IL1RAPL2: variants seen among roughly 807,000 people sequenced by gnomAD.
The protein encoded by IL1RAPL2 is interleukin 1 receptor accessory protein like 2.
Under a neutral mutation model 44.1 loss-of-function variants are expected in IL1RAPL2, and 3 were observed. That is an observed-to-expected ratio of 0.07 (90% CI 0.03 to 0.18). The LOEUF is 0.18. Among genes scored for constraint, IL1RAPL2 ranks in the 10% least tolerant of loss-of-function variants. IL1RAPL2 has a pLI of 1.00. For missense variants in IL1RAPL2, 391 were observed against 496.4 expected (o/e 0.79, Z 2.02); for synonymous variants, 181 against 178.8 (o/e 1.01, Z -0.10).
intron 6 of IL1RAPL2, among the ~76,000 whole-genome samples, chrX:105,531,003 CA>C (rs1283533059): frequency 9.0e-6 from 1 of 111,677 alleles, no homozygotes; most frequent in Non-Finnish European, 1.9e-5. Context: ...ATACTTCTTC[CA>C]AATCTTAGCT....
At chrX:104,908,869 A>G (rs1278607170) in intron 2 of IL1RAPL2, among the ~76,000 whole-genome samples, 1 of 110,910 alleles carries the variant, frequency 9.0e-6, no homozygotes, top group African/African-American at 3.3e-5. Flanking sequence ...AGATTGGGGA[A>G]GTTCTCCTGA....
chrX:105,707,049 C>A (rs1204318535), intron 6 of IL1RAPL2, among the ~76,000 whole-genome samples: 4 of 111,437 alleles, frequency 3.6e-5, no homozygotes, highest in Non-Finnish European at 5.7e-5. Context: ...ATCCAAATTT[C>A]AAGCAAAAAG....
chrX:105,243,990 T>C (rs1242651069), intron 4 of IL1RAPL2, among the ~76,000 whole-genome samples: 1 of 111,845 alleles, frequency 8.9e-6, no homozygotes, highest in African/African-American at 3.3e-5. Flanking sequence ...GATAAAAATA[T>C]TGAAATATTT....
chrX:105,559,697 T>C (rs1332059331), intron 6 of IL1RAPL2, among the ~76,000 whole-genome samples: 1 of 111,558 alleles, frequency 9.0e-6, no homozygotes, highest in Non-Finnish European at 1.9e-5. Context: ...CATGCCATTT[T>C]GGGGGACTAT....
chrX:105,282,520 C>T (rs996058463), intron 5 of IL1RAPL2, among the ~76,000 whole-genome samples: 3 of 111,681 alleles, frequency 2.7e-5, no homozygotes, highest in Non-Finnish European at 5.6e-5. Context: ...GGGCATGGGT[C>T]TGCAGGGAAA....
intron 2 of IL1RAPL2, among the ~76,000 whole-genome samples, chrX:105,169,525 G>C (rs1208238534): frequency 2.5e-5 from 1 of 39,385 alleles, no homozygotes; most frequent in African/African-American, 4.7e-4. Context: ...TTTTTTTTGA[G>C]ACAGAGTGTG....
chrX:105,730,417 T>C lies in IL1RAPL2; in HGVS notation c.903-10129T>C, dbSNP rs374002007. Among the ~76,000 whole-genome samples, 5 of 111,166 alleles carry C rather than the reference T, an allele frequency of 4.5e-5. No individual in the cohort carries two copies. The East Asian group carries it at 8.5e-4, about 19-fold the overall frequency. On this transcript the variant is annotated intron_variant, in intron 7 of 10. Transcript: ENST00000372582. Reference sequence around the variant, plus strand: ...AGATAGACATCAATAAAATAATATCTGGGGACTTCAGCACTCCACTCTCAA... The same window carrying C: ...AGATAGACATCAATAAAATAATATCCGGGGACTTCAGCACTCCACTCTCAA...
intron 2 of IL1RAPL2, among the ~76,000 whole-genome samples, chrX:105,071,222 A>C (rs1013117779): frequency 1.8e-5 from 2 of 111,604 alleles, no homozygotes; most frequent in Non-Finnish European, 3.8e-5. Context: ...AATCAGTAGC[A>C]TTTGTCTATA....
intron 6 of IL1RAPL2, among the ~76,000 whole-genome samples, chrX:105,659,458 C>G (rs1486209865): frequency 9.1e-6 from 1 of 109,560 alleles, no homozygotes; most frequent in Admixed American, 9.7e-5. Flanking sequence ...CAGATCGAGA[C>G]CATCCTGGCT....
chrX:104,995,909 A>G (rs2030739996), intron 2 of IL1RAPL2, among the ~76,000 whole-genome samples: 1 of 112,055 alleles, frequency 8.9e-6, no homozygotes, highest in African/African-American at 3.2e-5. Context: ...TAATTTAAAT[A>G]GAGTCATACC....
intron 6 of IL1RAPL2, among the ~76,000 whole-genome samples, chrX:105,710,067 A>C (rs1260167393): frequency 9.0e-6 from 1 of 111,634 alleles, no homozygotes; most frequent in Non-Finnish European, 1.9e-5. Flanking sequence ...TCTTACTTTG[A>C]GGTCTGCTGC....
chrX:105,298,917 T>A (rs1281130837), intron 5 of IL1RAPL2, among the ~76,000 whole-genome samples: 1 of 111,226 alleles, frequency 9.0e-6, no homozygotes, highest in East Asian at 2.8e-4. Flanking sequence ...TTTGGCAACA[T>A]GTAGGTCATT....
intron 7 of IL1RAPL2, among the ~76,000 whole-genome samples, chrX:105,729,900 GGAAGGAAGGAAGGAA>G (rs1569469736): frequency 3.8e-5 from 3 of 78,459 alleles, no homozygotes; most frequent in African/African-American, 1.7e-4. Context: ...AAGGAAGGAA[GGAAGGAAGGAAGGAA>G]GGAAGGAGGG....
chrX:105,303,883 CAGA>C (rs2034715095), intron 5 of IL1RAPL2, among the ~76,000 whole-genome samples: 1 of 112,758 alleles, frequency 8.9e-6, no homozygotes, highest in Non-Finnish European at 1.9e-5. Flanking sequence ...GCCAACAGAT[CAGA>C]AGAATGGAAA....
At chrX:105,640,896 A>G (rs2037565469) in intron 6 of IL1RAPL2, among the ~76,000 whole-genome samples, 1 of 107,515 alleles carries the variant, frequency 9.3e-6, no homozygotes, top group African/African-American at 3.4e-5. Context: ...CAACTAATCT[A>G]TTAATGGCTG....
At chrX:105,136,166 G>A (rs2033074638) in intron 2 of IL1RAPL2, among the ~76,000 whole-genome samples, 1 of 111,926 alleles carries the variant, frequency 8.9e-6, no homozygotes, top group Admixed American at 9.5e-5. Context: ...CATTGCACTT[G>A]AATATGCGTC....
chrX:105,290,281 A>G (rs185011269), intron 5 of IL1RAPL2, among the ~76,000 whole-genome samples: 1 of 111,702 alleles, frequency 9.0e-6, no homozygotes, highest in Admixed American at 9.6e-5. Flanking sequence ...GGTCTAGTAG[A>G]GAGATGAGAT....
At chrX:104,826,733 G>A (rs779909764) in intron 2 of IL1RAPL2, among the ~76,000 whole-genome samples, 10 of 110,127 alleles carry the variant, frequency 9.1e-5, no homozygotes, top group East Asian at 5.7e-4. Flanking sequence ...CACTATTATT[G>A]TGTGGGAGTC....
At chrX:105,145,123 T>G (rs764096660) in intron 2 of IL1RAPL2, among the ~76,000 whole-genome samples, 7 of 111,732 alleles carry the variant, frequency 6.3e-5, no homozygotes, top group South Asian at 3.7e-4. Context: ...AATCAGCAAA[T>G]CCCTTGTCAA....
Sources: allele counts gnomAD v4.1 joint callset (sites outside exome capture counted in the v4.1 genomes callset), GRCh38; gene constraint gnomAD v4.1.1; transcripts MANE v1.5; gene names NCBI Gene and HGNC (gene_info 2026-07-23, HGNC 2026-07-21).